The following PRRC2B variants were observed in gnomAD, a reference collection of about 807,000 sequenced individuals.
PRRC2B encodes protein PRRC2B.
In PRRC2B, 68 loss-of-function variants were observed where a neutral mutation model predicts 242.3. The observed-to-expected ratio is 0.28, with a 90% CI of 0.23 to 0.34. The LOEUF (loss-of-function observed/expected upper bound fraction) is 0.34. Among genes scored for constraint, PRRC2B ranks in the 10% least tolerant of loss-of-function variants. The probability of loss-of-function intolerance (pLI) is 1.00; values close to 1 mark genes in which losing one functional copy is unlikely to be tolerated. For missense variants in PRRC2B, 2,835 were observed against 2,954.8 expected (o/e 0.96, Z 0.94); for synonymous variants, 1,228 against 1,173.6 (o/e 1.05, Z -0.95).
At chr9:131,492,836 A>C (rs148540251) in intron 30 of PRRC2B, among the ~76,000 whole-genome samples, 2 of 152,234 alleles carry the variant, frequency 1.3e-5, no homozygotes, top group East Asian at 3.9e-4. Flanking sequence ...TGTTGGCGAG[A>C]GCCTCTGGTC....
At position 131,446,520 on chromosome 9, in the gene PRRC2B, G is replaced by A. The variant is rs1588255854; in HGVS notation, c.733G>A (p.Ala245Thr). ...TACGGGAGATGGAGCCCCCTCCTCG[G>A]CATGTACCAGCGATTCTAAGGACCC... is the stretch of plus-strand genomic sequence containing the variant. ...SSTGDGAPSSACTSDSKDPSL... is the reference protein window; with the variant it reads ...SSTGDGAPSSTCTSDSKDPSL... Residue 245 changes from alanine to threonine, a missense_variant, in exon 7 of 32, where the codon GCA (alanine) becomes ACA (threonine). This residue lies in a region of PRRC2B where 626 missense variants were observed against 685.5 expected (regional missense o/e 0.91). Coordinates refer to ENST00000683519, the MANE Select transcript of PRRC2B (RefSeq NM_013318.4). This position sits in a 1 kb window ranked among gnomAD's most constrained non-coding sequence, Gnocchi z 4.1. 5.6e-6 allele frequency: 9 copies of A among 1,613,840 alleles called. No individual in the cohort carries two copies. Among genetic ancestry groups the A allele is most frequent in the South Asian group, 1.1e-5 (1 of 91,058 alleles).
chr9:131,447,246 T>G, intron 8 of PRRC2B, 40 bp downstream of exon 8: 1 of 1,609,568 alleles, frequency 6.2e-7, no homozygotes. Flanking sequence ...TAGAGATGAG[T>G]GCGGTGGTGA....
chr9:131,416,381 A>G (rs1184741685), intron 1 of PRRC2B, among the ~76,000 whole-genome samples: 1 of 152,148 alleles, frequency 6.6e-6, no homozygotes, highest in East Asian at 1.9e-4. Context: ...GTTGGGATTA[A>G]CAGGTGTGAG....
intron 1 of PRRC2B, among the ~76,000 whole-genome samples, chr9:131,396,820 G>A (rs990383007): frequency 6.6e-6 from 1 of 152,028 alleles, no homozygotes; most frequent in Non-Finnish European, 1.5e-5. Context: ...TGTGTGGAAG[G>A]ACTATTGCTA....
At chr9:131,490,716 C>T (rs976208144) in intron 28 of PRRC2B, 7 of 418,350 alleles carry the variant, frequency 1.7e-5, no homozygotes, top group East Asian at 6.6e-5. Flanking sequence ...CAAAGGACCC[C>T]CACAGTCTGG....
intron 1 of PRRC2B, among the ~76,000 whole-genome samples, chr9:131,385,882 A>G (rs1052240644): frequency 6.7e-6 from 1 of 149,918 alleles, no homozygotes; most frequent in Non-Finnish European, 1.5e-5. Flanking sequence ...TGTAGTAGAG[A>G]TGGGGTTTCA....
intron 1 of PRRC2B, among the ~76,000 whole-genome samples, chr9:131,420,407 C>T (rs1837769321): frequency 6.6e-6 from 1 of 150,916 alleles, no homozygotes; most frequent in South Asian, 2.1e-4. Flanking sequence ...CGCTTTAGGG[C>T]TCTTTGAAAG....
At chr9:131,435,335 T>A (rs1838319062) in intron 3 of PRRC2B, among the ~76,000 whole-genome samples, 1 of 137,834 alleles carries the variant, frequency 7.3e-6, no homozygotes, top group South Asian at 2.3e-4. Context: ...TTATTGTAGG[T>A]CGGGCGCAGT....
intron 11 of PRRC2B, among the ~76,000 whole-genome samples, chr9:131,459,979 A>C (rs1477775256): frequency 8.6e-5 from 13 of 151,578 alleles, no homozygotes; most frequent in Admixed American, 6.6e-4. Context: ...CCAAAAAAAA[A>C]AAAAAAAAAA....
At chr9:131,459,503 T>C in intron 11 of PRRC2B, 147 bp downstream of exon 11, 2 of 772,388 alleles carry the variant, frequency 2.6e-6, no homozygotes, top group East Asian at 2.7e-5. Flanking sequence ...AGGGTCTCAC[T>C]ATGTTGCCCA....
At chr9:131,407,657 C>CT (rs1039727697) in intron 1 of PRRC2B, among the ~76,000 whole-genome samples, 6 of 152,124 alleles carry the variant, frequency 3.9e-5, no homozygotes, top group African/African-American at 1.4e-4. Context: ...CAACCCAGCC[C>CT]TTTTAGCTCC....
In PRRC2B at chr9:131,435,475, C is replaced by T. The variant is rs151138798; in HGVS notation, c.294-1145C>T. ...GCTAAAAATACAAAAATTAGCCAGG[C>T]GTGGTGCTGCATAACTGTAATCCCA... On this transcript the variant is annotated intron_variant, in intron 3 of 31. Coordinates refer to ENST00000683519, the MANE Select transcript of PRRC2B (RefSeq NM_013318.4). Among the ~76,000 whole-genome samples, 621 of 151,770 alleles carry T rather than the reference C, an allele frequency of 4.1e-3. 2 individuals carry two copies. Among genetic ancestry groups the T allele is most frequent in the African/African-American group, 0.014 (587 of 41,354 alleles).
At chr9:131,455,001 C>G in intron 9 of PRRC2B, 75 bp from the exon 10 acceptor site, 1 of 1,132,950 alleles carries the variant, frequency 8.8e-7, no homozygotes. Context: ...GGATTACAGG[C>G]ATGAGCCACC....
In PRRC2B at chr9:131,475,325, G is replaced by T. The variant is rs768495077; in HGVS notation, c.3196G>T (p.Gly1066Cys). The T allele has an allele frequency of 1.9e-6, 3 of 1,595,226 alleles. No individual in the cohort carries two copies. Among genetic ancestry groups the T allele is most frequent in the Non-Finnish European group, 2.6e-6 (3 of 1,171,754 alleles). The change falls in exon 16 of 32, where the codon GGC (glycine) becomes TGC (cysteine). Residue 1066 changes from glycine to cysteine, a missense_variant. This residue lies in a region of PRRC2B where 1,536 missense variants were observed against 1,483.1 expected (regional missense o/e 1.04). Transcript: ENST00000683519. ...QAFGVRGQARGRGRGFREFTF... is the reference protein window; with the variant it reads ...QAFGVRGQARCRGRGFREFTF... ...CTTTGGGGTCAGAGGACAGGCCCGG[G>T]GCCGGGGCCGTGGTTTCAGAGAGTT...
intron 1 of PRRC2B, among the ~76,000 whole-genome samples, chr9:131,410,085 A>G (rs1837467100): frequency 6.6e-6 from 1 of 152,178 alleles, no homozygotes; most frequent in Non-Finnish European, 1.5e-5. Flanking sequence ...CCAACTGTTC[A>G]TCACTCACCA....
intron 6 of PRRC2B, among the ~76,000 whole-genome samples, chr9:131,445,890 C>CTTGCGT (rs2131387377): frequency 6.6e-6 from 1 of 152,366 alleles, no homozygotes; most frequent in South Asian, 2.1e-4. Flanking sequence ...AAGTGCCCCA[C>CTTGCGT]ACCTCCACTG....
Position 131,465,079 on chromosome 9 carries a change from G to GT in PRRC2B, c.1720+2dup. On this transcript the variant is annotated splice_donor_variant, in intron 12 of 31. Coordinates refer to ENST00000683519, the MANE Select transcript of PRRC2B (RefSeq NM_013318.4). LOFTEE classifies it high-confidence loss of function. ...GAAAACGGCCCTGCTGTCCACAAAG[G>GT]TAAGAGCTGGGCCGTCTTCCCACCA... 1 of 1,608,214 alleles carries GT rather than the reference G, an allele frequency of 6.2e-7. No individual in the cohort carries two copies. Among genetic ancestry groups the GT allele is most frequent in the Non-Finnish European group, 8.5e-7 (1 of 1,175,918 alleles).
At chr9:131,456,341 C>A (rs1483226880) in intron 10 of PRRC2B, among the ~76,000 whole-genome samples, 1 of 151,112 alleles carries the variant, frequency 6.6e-6, no homozygotes, top group Non-Finnish European at 1.5e-5. Flanking sequence ...TAAAATAATA[C>A]CCCACAATGG....
chr9:131,460,744 C>T (rs1265811398), intron 11 of PRRC2B, among the ~76,000 whole-genome samples: 2 of 152,154 alleles, frequency 1.3e-5, no homozygotes, highest in Admixed American at 6.5e-5. Flanking sequence ...TGTCCTTTTT[C>T]CCTGTTCTCC....
Sources: allele counts gnomAD v4.1 joint callset (sites outside exome capture counted in the v4.1 genomes callset), GRCh38; gene constraint gnomAD v4.1.1; regional missense constraint gnomAD v4.1.1; non-coding constraint Gnocchi (gnomAD v3.1); transcripts MANE v1.5; gene names NCBI Gene and HGNC (gene_info 2026-07-23, HGNC 2026-07-21).